BLTP1: variants seen among roughly 807,000 people sequenced by gnomAD.
The protein encoded by BLTP1 is fragile site-associated protein.
At chr4:122,305,016 G>A in the BLTP1 span, 29 of 1,547,896 alleles carry the variant, frequency 1.9e-5, no homozygotes, top group Non-Finnish European at 2.5e-5. Context: ...TTAGAACGAT[G>A]GCTTTTAAAT....
At chr4:122,256,171 G>A in the BLTP1 span, 3 of 984,860 alleles carry the variant, frequency 3.0e-6, no homozygotes, top group African/African-American at 5.2e-5. Flanking sequence ...AGGGACCAAT[G>A]TATCAGTATT....
At chr4:122,220,675 A>G in the BLTP1 span, among the ~76,000 whole-genome samples, 1 of 152,076 alleles carries the variant, frequency 6.6e-6, no homozygotes, top group Non-Finnish European at 1.5e-5. Flanking sequence ...GCTGCTCCCT[A>G]TTTCTGTGAT....
chr4:122,224,891 T>A, the BLTP1 span: 1 of 1,443,018 alleles, frequency 6.9e-7, no homozygotes, highest in Non-Finnish European at 9.1e-7. Context: ...TTGGGTGTAA[T>A]GTGTGTAGAC....
At chr4:122,231,115 C>T in the BLTP1 span, among the ~76,000 whole-genome samples, 3 of 152,122 alleles carry the variant, frequency 2.0e-5, no homozygotes, top group Non-Finnish European at 2.9e-5. Flanking sequence ...GATAGAGGAA[C>T]ATTTTTGCAC....
chr4:122,288,879 AC>A, the BLTP1 span, among the ~76,000 whole-genome samples: 2 of 152,088 alleles, frequency 1.3e-5, no homozygotes, highest in Non-Finnish European at 2.9e-5. Context: ...AAAACAAAAA[AC>A]AAAACCCATT....
chr4:122,238,228 T>C, the BLTP1 span: 13 of 1,613,522 alleles, frequency 8.1e-6, no homozygotes, highest in Non-Finnish European at 9.3e-6. Flanking sequence ...AAGAGAACAG[T>C]AGTTCTAGTG....
At chr4:122,169,683 A>T in the BLTP1 span, 21 of 971,470 alleles carry the variant, frequency 2.2e-5, no homozygotes, top group Non-Finnish European at 2.6e-5. Flanking sequence ...ATATACACAC[A>T]TATCTATATA....
chr4:122,186,466 AAT>A, the BLTP1 span, among the ~76,000 whole-genome samples: 1 of 151,982 alleles, frequency 6.6e-6, no homozygotes, highest in African/African-American at 2.4e-5. Context: ...ATTAATAACT[AAT>A]GTTATCAATT....
chr4:122,258,615 C>CATT, the BLTP1 span: 1 of 1,453,262 alleles, frequency 6.9e-7, no homozygotes, highest in African/African-American at 1.4e-5. Context: ...AGTTGAGTGT[C>CATT]ATTATATAAC....
the BLTP1 span, chr4:122,152,965 T>C: frequency 7.1e-6 from 7 of 984,786 alleles, no homozygotes; most frequent in Non-Finnish European, 8.4e-6. Context: ...CTGCTTAATA[T>C]AGGGTCGGTT....
chr4:122,327,290 G>A, the BLTP1 span, among the ~76,000 whole-genome samples: 1 of 151,424 alleles, frequency 6.6e-6, no homozygotes, highest in East Asian at 1.9e-4. Flanking sequence ...TTTATAAATG[G>A]TGCAATATTT....
the BLTP1 span, chr4:122,189,854 T>A: frequency 5.5e-6 from 7 of 1,279,250 alleles, no homozygotes; most frequent in Middle Eastern, 2.4e-4. Flanking sequence ...AAAGATGTTT[T>A]TCTTTCTTTT....
the BLTP1 span, chr4:122,205,886 A>G: frequency 1.1e-6 from 1 of 933,760 alleles, no homozygotes; most frequent in Non-Finnish European, 1.3e-6. Flanking sequence ...TGACACCTCT[A>G]GGAGGAGCCC....
At chr4:122,153,534 T>C in the BLTP1 span, among the ~76,000 whole-genome samples, 4 of 152,156 alleles carry the variant, frequency 2.6e-5, no homozygotes, top group Non-Finnish European at 5.9e-5. Flanking sequence ...ATGTTCAAAG[T>C]CAGAGCTGTG....
At chr4:122,204,488 TGACTTGGGCA>T in the BLTP1 span, 1 of 961,974 alleles carries the variant, frequency 1.0e-6, no homozygotes, top group Non-Finnish European at 1.2e-6. Flanking sequence ...AAACATTGCA[TGACTTGGGCA>T]GACTTATGAG....
the BLTP1 span, among the ~76,000 whole-genome samples, chr4:122,321,021 G>A: frequency 6.9e-6 from 1 of 144,182 alleles, no homozygotes; most frequent in East Asian, 2.0e-4. Flanking sequence ...TTGCCCTAGA[G>A]ACTGCAGTCT....
At chr4:122,250,043 C>A in the BLTP1 span, 2 of 883,836 alleles carry the variant, frequency 2.3e-6, no homozygotes, top group Non-Finnish European at 1.4e-6. Flanking sequence ...ATTCTTTATT[C>A]AGCGAAAAAT....
chr4:122,229,372 TA>T, the BLTP1 span: 1 of 622,644 alleles, frequency 1.6e-6, no homozygotes, highest in Non-Finnish European at 2.6e-6. Flanking sequence ...GAAAACTTTC[TA>T]ATTTTTACTA....
the BLTP1 span, chr4:122,271,042 A>G: frequency 6.2e-7 from 1 of 1,608,330 alleles, no homozygotes; most frequent in Non-Finnish European, 8.5e-7. Context: ...ATCTTCCTCC[A>G]CTTGAGTTCA....
Sources: gnomAD v4.1 joint callset for allele counts (sites outside exome capture counted in the v4.1 genomes callset) on GRCh38, gnomAD v4.1.1 for gene constraint, MANE v1.5 for transcripts, NCBI Gene and HGNC (gene_info 2026-07-23, HGNC 2026-07-21) for gene names.